AFF2: variants seen among roughly 807,000 people sequenced by gnomAD.
The protein encoded by AFF2 is ALF transcription elongation factor 2.
AFF2 carries 14 observed loss-of-function variants against 76.9 expected under a neutral mutation model. The ratio of observed to expected loss-of-function variants is 0.18; its 90% CI spans 0.12 to 0.28. AFF2 has a LOEUF of 0.28. Among genes scored for constraint, AFF2 ranks in the 10% least tolerant of loss-of-function variants. The pLI is 1.00. For missense variants in AFF2, 868 were observed against 1,001.1 expected, an observed-to-expected ratio of 0.87 and a Z score of 1.79; for synonymous variants, 398 against 366.7, an observed-to-expected ratio of 1.09 and a Z score of -0.98.
chrX:148,695,317 A>C (rs1403631021), intron 3 of AFF2, among the ~76,000 whole-genome samples: 1 of 112,141 alleles, frequency 8.9e-6, no homozygotes, highest in African/African-American at 3.2e-5. Flanking sequence ...TCATGATGGA[A>C]TCTGTGCCAT....
intron 1 of AFF2, among the ~76,000 whole-genome samples, chrX:148,614,684 C>CT: frequency 1.1e-5 from 1 of 88,236 alleles, no homozygotes; most frequent in South Asian, 6.0e-4. Context: ...TTCCTTCTTT[C>CT]CTTCTTTCTT....
At chrX:148,600,438 C>A (rs782807414) in intron 1 of AFF2, among the ~76,000 whole-genome samples, 11 of 111,685 alleles carry the variant, frequency 9.8e-5, no homozygotes, top group Non-Finnish European at 2.1e-4. Context: ...ATCTCATTCT[C>A]TACAAATGTC....
In AFF2 at chrX:148,824,500, A is replaced by G. The variant is rs1438849216; in HGVS notation, c.1087-13147A>G. 1.8e-5 allele frequency among the ~76,000 whole-genome samples: 2 copies of G among 112,281 alleles called. 1 individual carries two copies. The highest frequency in any genetic ancestry group is 6.5e-5 in the African/African-American group (2 of 30,850). On this transcript the variant is annotated intron_variant, in intron 4 of 20. Coordinates refer to ENST00000370460, the MANE Select transcript of AFF2 (RefSeq NM_002025.4). ...GGCAATCATTTTACAATGTATACATACATCAGAAACTCACATTGTATACCA... is the reference window on the plus strand; with the variant it reads ...GGCAATCATTTTACAATGTATACATGCATCAGAAACTCACATTGTATACCA...
At chrX:148,617,515 C>T (rs1314558625) in intron 1 of AFF2, among the ~76,000 whole-genome samples, 6 of 111,836 alleles carry the variant, frequency 5.4e-5, no homozygotes, top group East Asian at 2.8e-4. Context: ...TTCTCCCATT[C>T]TGTAGGTTGC....
chrX:148,847,601 C>G (rs1317427994), intron 7 of AFF2, among the ~76,000 whole-genome samples: 1 of 111,580 alleles, frequency 9.0e-6, no homozygotes, highest in Non-Finnish European at 1.9e-5. Flanking sequence ...CATCCAAACT[C>G]TAGATCCAGA....
intron 4 of AFF2, among the ~76,000 whole-genome samples, chrX:148,819,815 G>C (rs781852115): frequency 8.9e-6 from 1 of 111,883 alleles, no homozygotes; most frequent in Non-Finnish European, 1.9e-5. Flanking sequence ...TAATTTTTAT[G>C]TGTGATGTGA....
chrX:148,841,194 C>T lies in AFF2; in HGVS notation c.1174-1772C>T, dbSNP rs1227571771. On this transcript the variant is annotated intron_variant, in intron 5 of 20. Coordinates refer to ENST00000370460, the MANE Select transcript of AFF2 (RefSeq NM_002025.4). ...TGGCTTAATTGACTTTGGAACTTGT[C>T]ATTTAATTTCCTGGAGGTATACAAG... Among the ~76,000 whole-genome samples, 7 of 111,970 alleles carry T rather than the reference C, an allele frequency of 6.3e-5. No individual in the cohort carries two copies. The Admixed American group carries it at 6.7e-4, about 11-fold the overall frequency.
chrX:148,976,772 A>G (rs1159213972), intron 16 of AFF2, among the ~76,000 whole-genome samples: 2 of 112,813 alleles, frequency 1.8e-5, no homozygotes, highest in African/African-American at 3.2e-5. Flanking sequence ...GGGCATCACA[A>G]TGACTTGACA....
At chrX:148,861,627 C>G (rs1430866266) in intron 7 of AFF2, among the ~76,000 whole-genome samples, 1 of 110,724 alleles carries the variant, frequency 9.0e-6, no homozygotes, top group Non-Finnish European at 1.9e-5. Flanking sequence ...GAATCTCTAC[C>G]AACATGATGT....
rs782278642 is a variant in AFF2, at chrX:148,885,999, A to C, written c.1359+14A>C. ...GAGCTCTACCAGGTTAGAAGAGCTT[A>C]GGGCTTTGTTTTGGGATGAAGGGGG... On this transcript the variant is annotated intron_variant, in intron 8 of 20. Coordinates refer to ENST00000370460, the MANE Select transcript of AFF2 (RefSeq NM_002025.4). 176 of 1,173,978 alleles carry C rather than the reference A, an allele frequency of 1.5e-4. 1 individual carries two copies. The South Asian group carries it at 1.9e-3, about 12-fold the overall frequency.
chrX:148,736,913 T>G (rs1557265135), intron 3 of AFF2, among the ~76,000 whole-genome samples: 2 of 111,394 alleles, frequency 1.8e-5, no homozygotes, highest in Non-Finnish European at 3.8e-5. Flanking sequence ...CTGTAGAAGA[T>G]CAGTTGGGTG....
chrX:148,763,049 T>C (rs1409390503), intron 3 of AFF2, among the ~76,000 whole-genome samples: 2 of 112,186 alleles, frequency 1.8e-5, no homozygotes, highest in African/African-American at 6.5e-5. Context: ...CTGTATATTT[T>C]AAAATAAATA....
At chrX:148,927,990 A>G (rs2071672153) in intron 9 of AFF2, among the ~76,000 whole-genome samples, 1 of 111,782 alleles carries the variant, frequency 8.9e-6, no homozygotes, top group Admixed American at 9.5e-5. Flanking sequence ...CATCTCCTCA[A>G]TGAAGCCTTT....
At chrX:148,659,349 G>T (rs1414901807) in intron 2 of AFF2, among the ~76,000 whole-genome samples, 4 of 112,261 alleles carry the variant, frequency 3.6e-5, no homozygotes, top group Non-Finnish European at 7.5e-5. Flanking sequence ...TGACTAGCTT[G>T]CTTGTAAGCA....
chrX:148,506,511 A>G (rs1312445829), intron 1 of AFF2, among the ~76,000 whole-genome samples: 4 of 111,280 alleles, frequency 3.6e-5, no homozygotes, highest in East Asian at 2.8e-4. Context: ...AGAACAGTCT[A>G]TATACTGATA....
chrX:148,761,476 T>G (rs1334797432), intron 3 of AFF2, among the ~76,000 whole-genome samples: 8 of 108,805 alleles, frequency 7.4e-5, no homozygotes, highest in East Asian at 5.7e-4. Context: ...TGTTTTTTTT[T>G]TTTTTTCATA....
At chrX:148,741,468 T>C (rs1449958880) in intron 3 of AFF2, among the ~76,000 whole-genome samples, 1 of 110,657 alleles carries the variant, frequency 9.0e-6, no homozygotes, top group Non-Finnish European at 1.9e-5. Flanking sequence ...AACTGAATGG[T>C]CAGTCTCACC....
chrX:148,725,166 A>G (rs1378554051), intron 3 of AFF2, among the ~76,000 whole-genome samples: 8 of 110,936 alleles, frequency 7.2e-5, no homozygotes, highest in African/African-American at 2.6e-4. Flanking sequence ...TCCTTGGAGA[A>G]CCCTTCGGAG....
chrX:148,980,557 A>G (rs1475055482), intron 18 of AFF2, among the ~76,000 whole-genome samples, 181 bp from the exon 19 acceptor site: 1 of 111,637 alleles, frequency 9.0e-6, no homozygotes, highest in Non-Finnish European at 1.9e-5. Context: ...AATTATCCTA[A>G]CCAGCTATTT....
Sources: gnomAD v4.1 joint callset for allele counts (sites outside exome capture counted in the v4.1 genomes callset) on GRCh38, gnomAD v4.1.1 for gene constraint, MANE v1.5 for transcripts, NCBI Gene and HGNC (gene_info 2026-07-23, HGNC 2026-07-21) for gene names.